RYR2: variants seen among roughly 807,000 people sequenced by gnomAD.
RYR2 encodes ryanodine receptor 2, also known as cardiac muscle ryanodine receptor-calcium release channel.
In RYR2, 227 loss-of-function variants were observed where a neutral mutation model predicts 601.1. The ratio of observed to expected loss-of-function variants is 0.38; its 90% CI spans 0.34 to 0.42. The LOEUF (loss-of-function observed/expected upper bound fraction) is 0.42, where lower values mean the gene tolerates loss of function less well. Among genes scored for constraint, RYR2 ranks in the 10% least tolerant of loss-of-function variants. RYR2 has a pLI of 1.00. For missense variants in RYR2, 4,646 were observed against 6,156.5 expected (o/e 0.75, Z 8.21); for synonymous variants, 2,223 against 2,175.1 (o/e 1.02, Z -0.61).
At chr1:237,475,448 A>T (rs563559370) in intron 17 of RYR2, among the ~76,000 whole-genome samples, 5 of 152,100 alleles carry the variant, frequency 3.3e-5, no homozygotes, top group Non-Finnish European at 7.3e-5. Flanking sequence ...TGTAATCTTA[A>T]ATTCCCCAAT....
intron 1 of RYR2, among the ~76,000 whole-genome samples, chr1:237,268,659 C>T (rs931063653): frequency 2.2e-4 from 34 of 151,882 alleles, no homozygotes; most frequent in Non-Finnish European, 2.5e-4. Flanking sequence ...CAAATACAGC[C>T]GGGTGCGGTG....
At chr1:237,386,505 G>A (rs945496717) in intron 8 of RYR2, among the ~76,000 whole-genome samples, 1 of 152,166 alleles carries the variant, frequency 6.6e-6, no homozygotes, top group Non-Finnish European at 1.5e-5. Flanking sequence ...GGATATTGGC[G>A]ATGTTTACTG....
At chr1:237,409,134 CTCAG>C (rs71699718) in intron 10 of RYR2, among the ~76,000 whole-genome samples, 16,379 of 152,040 alleles carry the variant, frequency 0.11, 1,827 homozygotes, top group African/African-American at 0.29. Context: ...TTTCTTCCTT[CTCAG>C]TCTGTATACA....
chr1:237,719,018 G>C (rs979948510), intron 73 of RYR2, among the ~76,000 whole-genome samples: 1 of 152,110 alleles, frequency 6.6e-6, no homozygotes, highest in African/African-American at 2.4e-5. Flanking sequence ...AATCCCAACA[G>C]TTTGGGAGGC....
chr1:237,592,757 G>A (rs999701127), intron 32 of RYR2, among the ~76,000 whole-genome samples: 7 of 151,758 alleles, frequency 4.6e-5, no homozygotes, highest in South Asian at 2.1e-4. Context: ...GCGGTGACTC[G>A]CGCCTGTAAT....
chr1:237,795,586 G>T (rs754379732), intron 96 of RYR2, among the ~76,000 whole-genome samples: 1 of 150,528 alleles, frequency 6.6e-6, no homozygotes, highest in Non-Finnish European at 1.5e-5. Context: ...GAGTGGCTGG[G>T]ATTCCAGGCG....
At chr1:237,562,193 G>T (rs1425042154) in intron 27 of RYR2, among the ~76,000 whole-genome samples, 1 of 152,128 alleles carries the variant, frequency 6.6e-6, no homozygotes, top group Non-Finnish European at 1.5e-5. Flanking sequence ...TAAAGCATTT[G>T]AAAATGGAAT....
intron 1 of RYR2, among the ~76,000 whole-genome samples, chr1:237,236,241 C>T (rs544509060): frequency 1.3e-5 from 2 of 152,210 alleles, no homozygotes; most frequent in African/African-American, 4.8e-5. Context: ...TGGCTCACCT[C>T]TCCTTTGCTC....
chr1:237,413,422 T>A (rs529354925), intron 10 of RYR2, among the ~76,000 whole-genome samples: 19 of 152,302 alleles, frequency 1.2e-4, no homozygotes. Context: ...CATTGTTAAA[T>A]TCAAAAGGTA....
At chr1:237,215,967 CA>C (rs1380573566) in intron 1 of RYR2, among the ~76,000 whole-genome samples, 1 of 152,198 alleles carries the variant, frequency 6.6e-6, no homozygotes, top group Non-Finnish European at 1.5e-5. Context: ...GGAGCTCTCA[CA>C]ATGTCATTTC....
intron 1 of RYR2, among the ~76,000 whole-genome samples, chr1:237,047,752 T>G (rs1259262095): frequency 1.3e-5 from 2 of 152,204 alleles, no homozygotes; most frequent in African/African-American, 4.8e-5. Context: ...TTTTTTACAT[T>G]TCTGATCATG....
intron 1 of RYR2, among the ~76,000 whole-genome samples, chr1:237,209,783 G>T (rs1010868666): frequency 6.6e-6 from 1 of 152,092 alleles, no homozygotes; most frequent in African/African-American, 2.4e-5. Context: ...TTGAGCCTGG[G>T]TATTTGAGGC....
rs1309469924 is a variant in RYR2, at chr1:237,832,641, A to T, written c.14898A>T (p.Leu4966=). 3 of 1,606,888 alleles carry T rather than the reference A, an allele frequency of 1.9e-6. No homozygotes were observed. The highest frequency in any genetic ancestry group is 2.6e-6 in the Non-Finnish European group (3 of 1,174,342). Residue 4966 remains leucine (L), a synonymous_variant, in exon 105 of 105, where the codon CTA becomes CTT. Transcript: ENST00000366574. ...TCCGGAAACAGTATGAAGACCAGCT[A>T]AATTAAACTCAGACCCAATCACCTC... ...DCFRKQYEDQ[L]N
intron 1 of RYR2, among the ~76,000 whole-genome samples, chr1:237,235,488 T>A (rs1685464840): frequency 6.6e-6 from 1 of 152,220 alleles, no homozygotes; most frequent in African/African-American, 2.4e-5. Context: ...CTCAAAGTGG[T>A]TCCCAGATAT....
At chr1:237,482,383 C>T (rs762740610) in intron 17 of RYR2, among the ~76,000 whole-genome samples, 15 of 152,068 alleles carry the variant, frequency 9.9e-5, no homozygotes, top group Non-Finnish European at 1.8e-4. Context: ...TGGTAACTAT[C>T]CTTCTACTTC....
At chr1:237,569,900 G>A (rs1672487780) in intron 29 of RYR2, among the ~76,000 whole-genome samples, 2 of 152,288 alleles carry the variant, frequency 1.3e-5, no homozygotes, top group Non-Finnish European at 2.9e-5. Flanking sequence ...GGGGCCCCGA[G>A]ATGGCCTTTG....
intron 31 of RYR2, among the ~76,000 whole-genome samples, chr1:237,591,431 C>A (rs921164383): frequency 6.6e-6 from 1 of 152,022 alleles, no homozygotes; most frequent in East Asian, 1.9e-4. Flanking sequence ...AACATCCTTT[C>A]TTATACTAAA....
intron 1 of RYR2, among the ~76,000 whole-genome samples, chr1:237,126,502 A>C (rs1485311561): frequency 6.6e-6 from 1 of 152,102 alleles, no homozygotes; most frequent in Non-Finnish European, 1.5e-5. Flanking sequence ...CTACCCCATC[A>C]GCCTGGCCAA....
At chr1:237,229,939 G>A (rs1475807397) in intron 1 of RYR2, among the ~76,000 whole-genome samples, 2 of 152,112 alleles carry the variant, frequency 1.3e-5, no homozygotes, top group Non-Finnish European at 1.5e-5. Flanking sequence ...ATCTGTGTGT[G>A]CTCATATATA....
Sources: allele counts gnomAD v4.1 joint callset (sites outside exome capture counted in the v4.1 genomes callset), GRCh38; gene constraint gnomAD v4.1.1; transcripts MANE v1.5; gene names NCBI Gene and HGNC (gene_info 2026-07-23, HGNC 2026-07-21).